The following SLC30A10 variants were observed in gnomAD, a reference collection of about 807,000 sequenced individuals.
SLC30A10 encodes solute carrier family 30 member 10.
Under a neutral mutation model 21.7 loss-of-function variants are expected in SLC30A10, and 8 were observed. The observed-to-expected ratio is 0.37, with a 90% confidence interval of 0.22 to 0.67. The LOEUF is 0.67. Ranked by LOEUF, SLC30A10 falls within the 30% of genes least tolerant of loss-of-function variation. The probability of loss-of-function intolerance (pLI) is 0.58; values close to 1 mark genes in which losing one functional copy is unlikely to be tolerated. For synonymous variants in SLC30A10, 272 were observed against 279.4 expected (o/e 0.97, Z 0.26); for missense variants, 521 against 642.5 (o/e 0.81, Z 2.04).
chr1:219,920,527 T>C (rs1049893704), intron 2 of SLC30A10, among the ~76,000 whole-genome samples: 2 of 152,196 alleles, frequency 1.3e-5, no homozygotes, highest in African/African-American at 4.8e-5. Context: ...GTTTATATAA[T>C]AGCAATGTAG....
Position 219,918,627 on chromosome 1 carries a change from GTA to G in SLC30A10, c.719-135_719-134del. The G allele has an allele frequency of 8.8e-7, 1 of 1,142,234 alleles. No homozygotes were observed. The highest frequency in any genetic ancestry group is 2.8e-5 in the Admixed American group (1 of 35,654). The allele number at this position is 1,142,234 out of a possible 1,614,324, so 70.8% of individuals were successfully genotyped here. The stretch of plus-strand genomic sequence containing the variant: ...TTTGGTTTTTGTTTTGGTTAGAACA[GTA>G]GGATGAATCAAAATAATGGCAACTA... On this transcript the variant is annotated intron_variant, in intron 2 of 3. Coordinates refer to ENST00000366926, the MANE Select transcript of SLC30A10 (RefSeq NM_018713.3). This position sits in a 1 kb window ranked among gnomAD's most constrained non-coding sequence, Gnocchi z 4.4.
At chr1:219,939,621 G>C (rs147058518) in intron 1 of SLC30A10, among the ~76,000 whole-genome samples, 3,176 of 152,106 alleles carry the variant, frequency 0.021, 64 homozygotes, top group Non-Finnish European at 0.029. Flanking sequence ...GTAGAGAGGG[G>C]GTTTCACCAT....
intron 1 of SLC30A10, among the ~76,000 whole-genome samples, chr1:219,956,663 T>TAA (rs34477686): frequency 1.5e-5 from 2 of 136,470 alleles, no homozygotes; most frequent in Non-Finnish European, 1.6e-5. Flanking sequence ...AAATAAAAAT[T>TAA]AAAAAAAAAA....
In SLC30A10 at chr1:219,911,825, A is replaced by AT. The variant is rs939564501; in HGVS notation, c.*3623dup. Among the ~76,000 whole-genome samples the AT allele has an allele frequency of 2.0e-4, 31 of 151,632 alleles. No individual in the cohort carries two copies. Among genetic ancestry groups the AT allele is most frequent in the Non-Finnish European group, 4.0e-4 (27 of 67,946 alleles). The stretch of plus-strand genomic sequence containing the variant: ...ACCCAGTGGCTCAGAACTTGGGGCA[A>AT]TTTTTTTTCCCAGGTTATATGTGGC... On this transcript the variant is annotated 3_prime_UTR_variant, in exon 4 of 4. Coordinates refer to ENST00000366926, the MANE Select transcript of SLC30A10 (RefSeq NM_018713.3).
At chr1:219,949,200 G>A (rs1436924142) in intron 1 of SLC30A10, among the ~76,000 whole-genome samples, 2 of 152,218 alleles carry the variant, frequency 1.3e-5, no homozygotes, top group African/African-American at 4.8e-5. Flanking sequence ...TCAGCATGGT[G>A]ATTCCTCAGG....
In SLC30A10 at chr1:219,928,327, G is replaced by C; in HGVS notation, c.114C>G (p.Leu38=). The change falls in exon 1 of 4, where the codon CTC becomes CTG. Residue 38 remains leucine, a synonymous_variant. Transcript: ENST00000366926. The surrounding 1 kb of genome is among the most constrained non-coding windows in gnomAD (Gnocchi z 6.3). Reference sequence around the variant, plus strand: ...CGGAGAGCATGTTGAAGGAGTCGGAGAGCAGCGCGATGGAGTTGCCCAGGT... The same window carrying C: ...CGGAGAGCATGTTGAAGGAGTCGGACAGCAGCGCGATGGAGTTGCCCAGGT... The part of the protein sequence containing the change: ...SGYLGNSIAL[L]SDSFNMLSDL... 1 of 1,612,532 alleles carries C rather than the reference G, an allele frequency of 6.2e-7. No homozygotes were observed. Among genetic ancestry groups the C allele is most frequent in the Non-Finnish European group, 8.5e-7 (1 of 1,179,594 alleles).
In SLC30A10 at chr1:219,911,148, A is replaced by AGTTTTTTTTT. The variant is rs140354008; in HGVS notation, c.*4291_*4300dup. On this transcript the variant is annotated 3_prime_UTR_variant, in exon 4 of 4. Transcript: ENST00000366926. ...CATGTTTCTTCATTTTTTCTACATC[A>AGTTTTTTTTT]GTTTTTTTTTTTTTTTTTTTTTTTT... 5.4e-4 allele frequency among the ~76,000 whole-genome samples: 21 copies of AGTTTTTTTTT among 38,580 alleles called. No individual in the cohort carries two copies. The highest frequency in any genetic ancestry group is 1.1e-3 in the African/African-American group (8 of 7,248). 25.3% of individuals were successfully genotyped at this position (38,580 alleles called of 152,430 possible).
Position 219,952,181 on chromosome 1 carries a change from GCCA to G in SLC30A10, n.80+6384_80+6386del, listed in dbSNP as rs375590457. On this transcript the variant is annotated intron_variant and non_coding_transcript_variant, in intron 1 of 8. Coordinates refer to the SLC30A10 transcript ENST00000484239. ...TTCAGCCCTTGGACAATCACTACCA[GCCA>G]CCACCACCACCACCAATGTTACCAT... Among the ~76,000 whole-genome samples the G allele has an allele frequency of 1.1e-3, 172 of 152,014 alleles. 1 individual carries two copies. The highest frequency in any genetic ancestry group is 3.9e-3 in the African/African-American group (161 of 41,448).
intron 1 of SLC30A10, among the ~76,000 whole-genome samples, chr1:219,952,793 G>GA (rs930493194): frequency 1.3e-5 from 2 of 150,844 alleles, no homozygotes; most frequent in Non-Finnish European, 3.0e-5. Context: ...CTGCACATTG[G>GA]AAAAAAAAAT....
At chr1:219,936,743 G>T (rs959249373) in intron 1 of SLC30A10, among the ~76,000 whole-genome samples, 2 of 152,198 alleles carry the variant, frequency 1.3e-5, no homozygotes, top group African/African-American at 4.8e-5. Flanking sequence ...AGCAGAAAGA[G>T]CTGAGAGGCA....
At chr1:219,947,414 T>C (rs996385276) in intron 1 of SLC30A10, among the ~76,000 whole-genome samples, 4 of 152,042 alleles carry the variant, frequency 2.6e-5, no homozygotes, top group Non-Finnish European at 5.9e-5. Flanking sequence ...GCACCTGTGG[T>C]CTTGGCTACT....
chr1:219,941,419 G>A (rs905387987), intron 1 of SLC30A10, among the ~76,000 whole-genome samples: 72 of 152,316 alleles, frequency 4.7e-4, no homozygotes, highest in African/African-American at 1.7e-3. Flanking sequence ...TATAGATGGT[G>A]CCCAAGTGTA....
rs1156515269 is a variant in SLC30A10 at position 219,928,224 on chromosome 1, C to T, written c.217G>A (p.Gly73Ser). ...RPTRGFSATY[G>S]YARAEVVGAL... is the part of the protein sequence containing the mutation. The stretch of plus-strand genomic sequence containing the variant: ...CCCACCACCTCGGCGCGGGCGTAGC[C>T]GTAGGTGGCGCTGAAGCCCCGGGTG... Residue 73 changes from glycine (G) to serine (S), a missense_variant, in exon 1 of 4, where the codon GGC becomes AGC. By Grantham distance (56) the Gly-to-Ser change is moderately conservative. Transcript: ENST00000366926. The surrounding 1 kb of genome is among the most constrained non-coding windows in gnomAD (Gnocchi z 6.3). The T allele has an allele frequency of 6.4e-7, 1 of 1,566,558 alleles. No homozygotes were observed.
chr1:219,954,698 A>G (rs1252982843), intron 1 of SLC30A10, among the ~76,000 whole-genome samples: 1 of 151,848 alleles, frequency 6.6e-6, no homozygotes, highest in African/African-American at 2.4e-5. Flanking sequence ...AAAAAAAAAA[A>G]AAAAAACTTA....
chr1:219,943,650 C>A (rs1660147950), intron 1 of SLC30A10, among the ~76,000 whole-genome samples: 1 of 152,084 alleles, frequency 6.6e-6, no homozygotes, highest in Admixed American at 6.6e-5. Context: ...TTCTGGCAAG[C>A]AGTTTTAAAG....
In SLC30A10 at chr1:219,927,013, CA is replaced by C. The variant is rs770731796; in HGVS notation, c.718+14del. ...CATAGAAAGGGATTTCAAATAGGCCCAAAGTCAATCCTACCTCTGATATTCA... is the reference window on the plus strand; with the variant it reads ...CATAGAAAGGGATTTCAAATAGGCCCAAGTCAATCCTACCTCTGATATTCA... On this transcript the variant is annotated intron_variant, in intron 2 of 3. Transcript: ENST00000366926. 1.3e-6 allele frequency: 2 copies of C among 1,593,012 alleles called. No homozygotes were observed. The highest frequency in any genetic ancestry group is 1.7e-6 in the Non-Finnish European group (2 of 1,161,664).
At position 219,917,699 on chromosome 1, in the gene SLC30A10, TTTTC is replaced by T. The variant is rs1192850918; in HGVS notation, c.958+552_958+555del. ...TCCAAGCATTGCATTCTTTTCTTTT[TTTTC>T]TTTCCTTTTTTTTTTTTTTTTTTTT... is the stretch of plus-strand genomic sequence containing the variant. On this transcript the variant is annotated intron_variant, in intron 3 of 3. Transcript: ENST00000366926. Among the ~76,000 whole-genome samples the T allele has an allele frequency of 2.1e-5, 3 of 146,220 alleles. No homozygotes were observed. In the East Asian group the frequency reaches 6.0e-4, roughly 29 times the overall value.
chr1:219,949,996 CA>C (rs1402125120), intron 1 of SLC30A10, among the ~76,000 whole-genome samples: 2 of 152,122 alleles, frequency 1.3e-5, no homozygotes, highest in Non-Finnish European at 2.9e-5. Context: ...TCAAGCTTCT[CA>C]GCAAAGAAAA....
At chr1:219,948,367 C>T (rs1271195867) in intron 1 of SLC30A10, among the ~76,000 whole-genome samples, 2 of 151,938 alleles carry the variant, frequency 1.3e-5, no homozygotes, top group South Asian at 2.1e-4. Context: ...AACTATACTA[C>T]AAGGCTACAG....
Sources: allele counts gnomAD v4.1 joint callset (sites outside exome capture counted in the v4.1 genomes callset), GRCh38; gene constraint gnomAD v4.1.1; non-coding constraint Gnocchi (gnomAD v3.1); transcripts MANE v1.5; gene names NCBI Gene and HGNC (gene_info 2026-07-23, HGNC 2026-07-21).